The following MSH5 variants were observed in gnomAD, a reference collection of about 807,000 sequenced individuals.
The protein encoded by MSH5 is mutS protein homolog 5.
In MSH5, 78 loss-of-function variants were observed where a neutral mutation model predicts 107.7. The observed-to-expected ratio is 0.72, with a 90% CI of 0.60 to 0.87. The LOEUF is 0.87. Among genes scored for constraint, MSH5 ranks in the 40% least tolerant of loss-of-function variants. The probability of loss-of-function intolerance (pLI) is 0.00; values close to 1 mark genes in which losing one functional copy is unlikely to be tolerated. For synonymous variants in MSH5, 326 were observed against 399.5 expected (o/e 0.82, Z 2.19); for missense variants, 889 against 1,046.6 (o/e 0.85, Z 2.08).
In MSH5 at chr6:31,761,813, T is replaced by G; in HGVS notation, c.2182-5T>G. On this transcript the variant is annotated splice_polypyrimidine_tract_variant and splice_region_variant and intron_variant, in intron 22 of 24. Coordinates refer to ENST00000375750, the MANE Select transcript of MSH5 (RefSeq NM_172166.4). This position sits in a 1 kb window ranked among gnomAD's most constrained non-coding sequence, Gnocchi z 5.3. ...ATGATACACTGTCTTTTATTCTCTT[T>G]TAAGACCATGGAGACCTGTGAGGAT... The G allele has an allele frequency of 6.2e-7, 1 of 1,613,120 alleles. No individual in the cohort carries two copies. The highest frequency in any genetic ancestry group is 8.5e-7 in the Non-Finnish European group (1 of 1,180,022).
chr6:31,757,777 C>A (rs1409315030), intron 12 of MSH5: 1 of 265,836 alleles, frequency 3.8e-6, no homozygotes, highest in Non-Finnish European at 7.1e-6. Flanking sequence ...TCAAGAGATT[C>A]TCCTGCCTCA....
Position 31,759,781 on chromosome 6 carries a change from C to A in MSH5, c.1496-5C>A, listed in dbSNP as rs184719070. 1.6e-3 allele frequency: 2,641 copies of A among 1,612,262 alleles called. 10 individuals carry two copies. The highest frequency in any genetic ancestry group is 1.9e-3 in the Non-Finnish European group (2,210 of 1,179,880). ...CCTCCAGCTCCCTTCCTCACCCACT[C>A]CCAGACCAGGAGACGCTGCTGATGT... On this transcript the variant is annotated splice_polypyrimidine_tract_variant and splice_region_variant and intron_variant, in intron 17 of 24. Transcript: ENST00000375750. This position sits in a 1 kb window ranked among gnomAD's most constrained non-coding sequence, Gnocchi z 4.7.
intron 9 of MSH5, among the ~76,000 whole-genome samples, chr6:31,746,830 C>T (rs1475259622): frequency 6.7e-6 from 1 of 149,110 alleles, no homozygotes; most frequent in African/African-American, 2.5e-5. Context: ...TTATTTGTTT[C>T]GTTTTGTTTT....
intron 9 of MSH5, among the ~76,000 whole-genome samples, chr6:31,745,622 GTGTA>G (rs1227194479): frequency 6.6e-6 from 1 of 152,094 alleles, no homozygotes; most frequent in Non-Finnish European, 1.5e-5. Context: ...GGGAGACCTT[GTGTA>G]TAGAGAAGAG....
chr6:31,762,602 C>A lies in MSH5; in HGVS notation c.*71C>A. 1.1e-6 allele frequency: 1 copy of A among 884,070 alleles called. No homozygotes were observed. The highest frequency in any genetic ancestry group is 1.8e-6 in the Non-Finnish European group (1 of 544,552). The allele number at this position is 884,070 out of a possible 1,614,324, so 54.8% of individuals were successfully genotyped here. On this transcript the variant is annotated 3_prime_UTR_variant, in exon 25 of 25. Coordinates refer to ENST00000375750, the MANE Select transcript of MSH5 (RefSeq NM_172166.4). The stretch of plus-strand genomic sequence containing the variant: ...TGCCATGCCCTCTTTGTTTCCTTAT[C>A]TCCCTCAGACGCAGAGTTTTTAGTT...
intron 10 of MSH5, among the ~76,000 whole-genome samples, chr6:31,749,582 A>G (rs1363699636): frequency 1.3e-5 from 2 of 151,832 alleles, no homozygotes; most frequent in African/African-American, 4.8e-5. Flanking sequence ...GTGCAATCCA[A>G]CTGTTACCCT....
chr6:31,758,973 G>T lies in MSH5; in HGVS notation c.1326+98G>T. 1 of 1,417,690 alleles carries T rather than the reference G, an allele frequency of 7.1e-7. No homozygotes were observed. The highest frequency in any genetic ancestry group is 1.0e-6 in the Non-Finnish European group (1 of 1,003,736). 87.8% of individuals were successfully genotyped at this position (1,417,690 alleles called of 1,614,324 possible). The stretch of plus-strand genomic sequence containing the variant: ...GGTAGATAAGAAAACTTGTGGGGCA[G>T]CCTGAAGAACATGAACACTTTTTTG... On this transcript the variant is annotated intron_variant, in intron 15 of 24. Transcript: ENST00000375750. This position sits in a 1 kb window ranked among gnomAD's most constrained non-coding sequence, Gnocchi z 5.1.
At chr6:31,757,383 A>ATCCAC (rs1194066880) in intron 12 of MSH5, 2 of 152,018 alleles carry the variant, frequency 1.3e-5, no homozygotes, top group Non-Finnish European at 2.9e-5. Context: ...TGACCTCGTG[A>ATCCAC]TCCACCCGCC....
In MSH5 at chr6:31,740,905, G is replaced by C. The variant is rs1054825386; in HGVS notation, c.148-258G>C. Among the ~76,000 whole-genome samples, 1 of 151,940 alleles carries C rather than the reference G, an allele frequency of 6.6e-6. No individual in the cohort carries two copies. Among genetic ancestry groups the C allele is most frequent in the Non-Finnish European group, 1.5e-5 (1 of 67,984 alleles). On this transcript the variant is annotated intron_variant, in intron 2 of 24. Coordinates refer to ENST00000375750, the MANE Select transcript of MSH5 (RefSeq NM_172166.4). The surrounding 1 kb of genome is among the most constrained non-coding windows in gnomAD (Gnocchi z 4.4). ...TAACTCGGGAGGCGGAGGTTGCAATGAGCTGAGATTGCTCCACTGCACTTC... is the reference window on the plus strand; with the variant it reads ...TAACTCGGGAGGCGGAGGTTGCAATCAGCTGAGATTGCTCCACTGCACTTC...
Position 31,740,228 on chromosome 6 carries a change from C to T in MSH5, c.-14+166C>T. ...ACCCCTTCCTTCCAAAGGGTAACCT[C>T]CGCGTGACAGGAATGAGGGTGGGGC... On this transcript the variant is annotated intron_variant, in intron 1 of 24. Coordinates refer to ENST00000375750, the MANE Select transcript of MSH5 (RefSeq NM_172166.4). This position sits in a 1 kb window ranked among gnomAD's most constrained non-coding sequence, Gnocchi z 4.4. 1 of 463,872 alleles carries T rather than the reference C, an allele frequency of 2.2e-6. No homozygotes were observed. Among genetic ancestry groups the T allele is most frequent in the Non-Finnish European group, 3.9e-6 (1 of 259,662 alleles). 28.7% of individuals were successfully genotyped at this position (463,872 alleles called of 1,614,324 possible). A position where few individuals can be genotyped will look rare whatever the true frequency, so the allele number is the denominator to read the frequency against.
At position 31,758,961 on chromosome 6, in the gene MSH5, A is replaced by G; in HGVS notation, c.1326+86A>G. 7.0e-7 allele frequency: 1 copy of G among 1,436,174 alleles called. No individual in the cohort carries two copies. The highest frequency in any genetic ancestry group is 9.8e-7 in the Non-Finnish European group (1 of 1,020,822). The allele number at this position is 1,436,174 out of a possible 1,614,324, so 89.0% of individuals were successfully genotyped here. A position where few individuals can be genotyped will look rare whatever the true frequency, so the allele number is the denominator to read the frequency against. On this transcript the variant is annotated intron_variant, in intron 15 of 24. Transcript: ENST00000375750. This position sits in a 1 kb window ranked among gnomAD's most constrained non-coding sequence, Gnocchi z 5.1. ...GAAAGACATACTGGTAGATAAGAAA[A>G]CTTGTGGGGCAGCCTGAAGAACATG...
intron 12 of MSH5, chr6:31,756,871 C>T (rs1334503914): frequency 6.6e-6 from 1 of 151,716 alleles, no homozygotes; most frequent in Non-Finnish European, 1.5e-5. Context: ...GATCTCTTGA[C>T]CTCGTGATCC....
chr6:31,760,312 A>G lies in MSH5; in HGVS notation c.1812+96A>G. ...CTCAGGCTCCTGCAGCTCTTCTCCC[A>G]TTTTCTGACCCCGCTCTTCATGAAA... On this transcript the variant is annotated intron_variant, in intron 19 of 24. Transcript: ENST00000375750. This position sits in a 1 kb window ranked among gnomAD's most constrained non-coding sequence, Gnocchi z 5.6. 1.4e-6 allele frequency: 2 copies of G among 1,461,950 alleles called. No homozygotes were observed. Among genetic ancestry groups the G allele is most frequent in the Non-Finnish European group, 1.8e-6 (2 of 1,094,492 alleles). The allele number at this position is 1,461,950 out of a possible 1,614,324, so 90.6% of individuals were successfully genotyped here.
chr6:31,759,350 G>A lies in MSH5; in HGVS notation c.1408-75G>A, dbSNP rs959865256. 7 of 1,508,640 alleles carry A rather than the reference G, an allele frequency of 4.6e-6. No individual in the cohort carries two copies. In the African/African-American group the frequency reaches 9.6e-5, roughly 21 times the overall value. 93.5% of individuals were successfully genotyped at this position (1,508,640 alleles called of 1,614,324 possible). ...GAGAAGTCAGAGTTAGGGGCTGGAG[G>A]TGGGGTTAGAAAGATGGGGAAGGAG... On this transcript the variant is annotated intron_variant, in intron 16 of 24. Coordinates refer to ENST00000375750, the MANE Select transcript of MSH5 (RefSeq NM_172166.4). This position sits in a 1 kb window ranked among gnomAD's most constrained non-coding sequence, Gnocchi z 4.7.
chr6:31,760,747 G>A lies in MSH5; in HGVS notation c.1870G>A (p.Glu624Lys), dbSNP rs773862644. The A allele has an allele frequency of 2.5e-6, 4 of 1,613,052 alleles. No individual in the cohort carries two copies. Among genetic ancestry groups the A allele is most frequent in the Non-Finnish European group, 3.4e-6 (4 of 1,180,046 alleles). The stretch of plus-strand genomic sequence containing the variant: ...CAGCTTTGTGCCAGCAGAGGAGGCC[G>A]AAATTGGGGCAGTAGACGCCATCTT... ...VGSFVPAEEA[E>K]IGAVDAIFTR... Residue 624 changes from glutamate to lysine, a missense_variant, in exon 20 of 25, where the codon GAA becomes AAA. Glu to Lys is a moderately conservative substitution (Grantham distance 56). Around this residue, in one of 3 missense-constraint regions of MSH5, gnomAD observed 362 missense variants for 456.2 expected, o/e 0.79. Coordinates refer to ENST00000375750, the MANE Select transcript of MSH5 (RefSeq NM_172166.4). The surrounding 1 kb of genome is among the most constrained non-coding windows in gnomAD (Gnocchi z 5.6).
Position 31,761,103 on chromosome 6 carries a change from T to C in MSH5, c.1963-85T>C. 9 of 1,341,528 alleles carry C rather than the reference T, an allele frequency of 6.7e-6. No homozygotes were observed. The highest frequency in any genetic ancestry group is 9.4e-6 in the Non-Finnish European group (9 of 953,750). 83.1% of individuals were successfully genotyped at this position (1,341,528 alleles called of 1,614,324 possible). ...TGCAGTGCAGTAGGGAGGGCATGTA[T>C]ACAGCTTTATTCACAGGCCAACTGT... is the stretch of plus-strand genomic sequence containing the variant. On this transcript the variant is annotated intron_variant, in intron 20 of 24. Coordinates refer to ENST00000375750, the MANE Select transcript of MSH5 (RefSeq NM_172166.4). This position sits in a 1 kb window ranked among gnomAD's most constrained non-coding sequence, Gnocchi z 5.3.
chr6:31,759,661 C>T lies in MSH5; in HGVS notation c.1496-125C>T, dbSNP rs1023250335. 52 of 1,361,052 alleles carry T rather than the reference C, an allele frequency of 3.8e-5. No individual in the cohort carries two copies. In the Admixed American group the frequency reaches 3.9e-4, roughly 10 times the overall value. The allele number at this position is 1,361,052 out of a possible 1,614,324, so 84.3% of individuals were successfully genotyped here. On this transcript the variant is annotated intron_variant, in intron 17 of 24. Transcript: ENST00000375750. The surrounding 1 kb of genome is among the most constrained non-coding windows in gnomAD (Gnocchi z 4.7). ...CTCGCTCACTCTGACTCTATCTTTT[C>T]CTCTGAATGTCTTGAGGTCTCAGAT...
chr6:31,740,645 A>C lies in MSH5; in HGVS notation c.147+32A>C. On this transcript the variant is annotated intron_variant, in intron 2 of 24. Coordinates refer to ENST00000375750, the MANE Select transcript of MSH5 (RefSeq NM_172166.4). The surrounding 1 kb of genome is among the most constrained non-coding windows in gnomAD (Gnocchi z 4.4). ...GAGGGGAGTAGAAACTTGAATGGAG[A>C]GTTGATGGGAAGTTAGAATAAAAGA... 6.9e-7 allele frequency: 1 copy of C among 1,458,672 alleles called. No homozygotes were observed. Among genetic ancestry groups the C allele is most frequent in the Non-Finnish European group, 9.1e-7 (1 of 1,104,654 alleles). The allele number at this position is 1,458,672 out of a possible 1,614,324, so 90.4% of individuals were successfully genotyped here. A position where few individuals can be genotyped will look rare whatever the true frequency, so the allele number is the denominator to read the frequency against.
chr6:31,744,585 A>C lies in MSH5; in HGVS notation c.683+4A>C, dbSNP rs1299461991. ...ACATAGATCAAGACACTTACAGGTAAAGAGGTGGAGGCATGCTGCTGTCTC... is the reference window on the plus strand; with the variant it reads ...ACATAGATCAAGACACTTACAGGTACAGAGGTGGAGGCATGCTGCTGTCTC... On this transcript the variant is annotated splice_donor_region_variant and intron_variant, in intron 8 of 24. Transcript: ENST00000375750. The C allele has an allele frequency of 1.2e-6, 2 of 1,613,018 alleles. No individual in the cohort carries two copies. Among genetic ancestry groups the C allele is most frequent in the African/African-American group, 2.7e-5 (2 of 74,872 alleles).
Sources: allele counts gnomAD v4.1 joint callset (sites outside exome capture counted in the v4.1 genomes callset), GRCh38; gene constraint gnomAD v4.1.1; regional missense constraint gnomAD v4.1.1; non-coding constraint Gnocchi (gnomAD v3.1); transcripts MANE v1.5; gene names NCBI Gene and HGNC (gene_info 2026-07-23, HGNC 2026-07-21).